Variants in RAB5A observed in about 807,000 individuals in gnomAD.
RAB5A encodes ras-related protein Rab-5A.
RAB5A carries 8 observed loss-of-function variants against 25.7 expected under a neutral mutation model. The observed-to-expected ratio is 0.31, with a 90% CI of 0.18 to 0.56. The LOEUF (loss-of-function observed/expected upper bound fraction) is 0.56. Ranked by LOEUF, RAB5A falls within the 20% of genes least tolerant of loss-of-function variation. RAB5A has a pLI of 0.91. For synonymous variants in RAB5A, 98 were observed against 89.8 expected (o/e 1.09, Z -0.52); for missense variants, 192 against 259.7 (o/e 0.74, Z 1.79).
At chr3:19,956,676 A>G (rs1696507154) in intron 2 of RAB5A, among the ~76,000 whole-genome samples, 1 of 152,260 alleles carries the variant, frequency 6.6e-6, no homozygotes, top group South Asian at 2.1e-4. Flanking sequence ...TGGCCAAGTC[A>G]TTCTAAAGAA....
intron 2 of RAB5A, among the ~76,000 whole-genome samples, chr3:19,974,133 T>G (rs756780778): frequency 1.2e-4 from 18 of 151,752 alleles, no homozygotes; most frequent in Non-Finnish European, 2.2e-4. Context: ...CTTTTAATTT[T>G]AACAATATTG....
Position 19,984,069 on chromosome 3 carries a change from G to A in RAB5A, c.*246G>A, listed in dbSNP as rs1575080742. On this transcript the variant is annotated 3_prime_UTR_variant, in exon 6 of 6. Coordinates refer to ENST00000273047, the MANE Select transcript of RAB5A (RefSeq NM_004162.5). The stretch of plus-strand genomic sequence containing the variant: ...ATGTGGACACTTGTTTCATTGGAAG[G>A]TTAGGGGGAATAATTTCTCATCACT... 2 of 442,026 alleles carry A rather than the reference G, an allele frequency of 4.5e-6. No homozygotes were observed. Among genetic ancestry groups the A allele is most frequent in the East Asian group, 9.5e-5 (2 of 21,148 alleles). 27.4% of individuals were successfully genotyped at this position (442,026 alleles called of 1,614,324 possible).
At chr3:19,967,276 C>G (rs1471352332) in intron 2 of RAB5A, among the ~76,000 whole-genome samples, 2 of 152,010 alleles carry the variant, frequency 1.3e-5, no homozygotes, top group East Asian at 3.9e-4. Context: ...TCCAGAGTAG[C>G]TGGGATTACA....
chr3:19,971,653 T>C (rs1230063197), intron 2 of RAB5A, among the ~76,000 whole-genome samples: 2 of 152,094 alleles, frequency 1.3e-5, no homozygotes, highest in Non-Finnish European at 2.9e-5. Context: ...TTTTGTATTT[T>C]TAGTAGAGAC....
At chr3:19,970,482 T>G (rs1696734002) in intron 2 of RAB5A, 1 of 451,730 alleles carries the variant, frequency 2.2e-6, no homozygotes, top group African/African-American at 2.0e-5. Context: ...AGGGAGCCTA[T>G]CAGACAGGCC....
At chr3:19,969,676 A>G (rs1238056651) in intron 2 of RAB5A, among the ~76,000 whole-genome samples, 1 of 152,196 alleles carries the variant, frequency 6.6e-6, no homozygotes, top group African/African-American at 2.4e-5. Flanking sequence ...TAATAAAGCA[A>G]TTCTTTCCTG....
intron 2 of RAB5A, among the ~76,000 whole-genome samples, chr3:19,966,223 C>T (rs1696660628): frequency 6.6e-6 from 1 of 152,140 alleles, no homozygotes; most frequent in Non-Finnish European, 1.5e-5. Flanking sequence ...TGGCAACTAC[C>T]ATTCACCTTT....
At chr3:19,955,940 A>G (rs991462339) in intron 2 of RAB5A, among the ~76,000 whole-genome samples, 12 of 152,214 alleles carry the variant, frequency 7.9e-5, no homozygotes, top group Non-Finnish European at 1.3e-4. Flanking sequence ...TGAGAATTAC[A>G]TGTATTATGT....
chr3:19,958,926 G>A (rs144748242), intron 2 of RAB5A, among the ~76,000 whole-genome samples: 202 of 152,174 alleles, frequency 1.3e-3, no homozygotes, highest in Non-Finnish European at 2.3e-3. Context: ...GTGACAGAGC[G>A]AGACTCTGTC....
intron 4 of RAB5A, 34 bp from the exon 5 acceptor site, chr3:19,978,276 A>G (rs755638078): frequency 7.5e-6 from 10 of 1,330,044 alleles, no homozygotes; most frequent in Non-Finnish European, 1.1e-5. Context: ...CAAGAGATAT[A>G]TCTCATATAT....
chr3:19,971,047 AT>A (rs1483274105), intron 2 of RAB5A, among the ~76,000 whole-genome samples: 8 of 152,154 alleles, frequency 5.3e-5, no homozygotes, highest in African/African-American at 1.9e-4. Flanking sequence ...AAATACAAAA[AT>A]TAGCCAGACG....
chr3:19,979,678 A>G (rs1453324964), intron 5 of RAB5A, among the ~76,000 whole-genome samples: 2 of 152,126 alleles, frequency 1.3e-5, no homozygotes, highest in Non-Finnish European at 2.9e-5. Context: ...AACAAAAATA[A>G]AGGTTGGTTT....
chr3:19,970,863 A>G, intron 2 of RAB5A: 1 of 307,548 alleles, frequency 3.3e-6, no homozygotes, highest in Non-Finnish European at 6.4e-6. Context: ...CCTAAATGTC[A>G]GTTACACTTC....
intron 2 of RAB5A, among the ~76,000 whole-genome samples, chr3:19,971,455 CGGTGGTGGT>C (rs563319679): frequency 6.6e-6 from 1 of 151,516 alleles, no homozygotes; most frequent in Non-Finnish European, 1.5e-5. Flanking sequence ...AACAGTAGTA[CGGTGGTGGT>C]GGTGGTGGTG....
intron 1 of RAB5A, among the ~76,000 whole-genome samples, chr3:19,950,380 A>T (rs1162931316): frequency 6.6e-6 from 1 of 152,250 alleles, no homozygotes; most frequent in African/African-American, 2.4e-5. Flanking sequence ...TGTTAATCCA[A>T]GTAGCCTGGC....
chr3:19,973,914 A>G (rs1696786436), intron 2 of RAB5A, among the ~76,000 whole-genome samples: 2 of 152,236 alleles, frequency 1.3e-5, no homozygotes, highest in African/African-American at 4.8e-5. Context: ...CAACGTCACT[A>G]GATAAACGGC....
chr3:19,981,374 C>T (rs1696923796), intron 5 of RAB5A, among the ~76,000 whole-genome samples: 1 of 152,128 alleles, frequency 6.6e-6, no homozygotes, highest in Non-Finnish European at 1.5e-5. Flanking sequence ...CTTTGGGAGG[C>T]CAAGGCGGGC....
chr3:19,953,992 A>G (rs1401442089), intron 2 of RAB5A, among the ~76,000 whole-genome samples: 1 of 152,108 alleles, frequency 6.6e-6, no homozygotes, highest in East Asian at 1.9e-4. Flanking sequence ...AAATGAAGCC[A>G]ACCAACTCTT....
At chr3:19,969,961 G>T (rs932180445) in intron 2 of RAB5A, among the ~76,000 whole-genome samples, 1 of 151,508 alleles carries the variant, frequency 6.6e-6, no homozygotes, top group Non-Finnish European at 1.5e-5. Flanking sequence ...ATGCCACCAT[G>T]CCCGGCTAAT....
Sources: gnomAD v4.1 joint callset for allele counts (sites outside exome capture counted in the v4.1 genomes callset) on GRCh38, gnomAD v4.1.1 for gene constraint, MANE v1.5 for transcripts, NCBI Gene and HGNC (gene_info 2026-07-23, HGNC 2026-07-21) for gene names.